The following FTO variants were observed in gnomAD, a reference collection of about 807,000 sequenced individuals.
FTO encodes FTO alpha-ketoglutarate dependent dioxygenase.
Under a neutral mutation model 63.9 loss-of-function variants are expected in FTO, and 47 were observed. That is an observed-to-expected ratio of 0.74 (90% CI 0.58 to 0.94). FTO has a LOEUF of 0.94. Ranked by LOEUF, FTO falls within the 40% of genes least tolerant of loss-of-function variation. The pLI is 0.00. For synonymous variants in FTO, 207 were observed against 224.4 expected (o/e 0.92, Z 0.69); for missense variants, 562 against 618.1 (o/e 0.91, Z 0.96).
rs74656866 is a variant in FTO, at chr16:53,989,639, G to A, written c.1364+55530G>A. Among the ~76,000 whole-genome samples the A allele has an allele frequency of 4.1e-3, 631 of 152,224 alleles. 10 individuals carry two copies. The highest frequency in any genetic ancestry group is 0.015 in the African/African-American group (614 of 41,526). Reference sequence around the variant, plus strand: ...CAGCAAGTCACTTGTTTAGACTCTAGTCTCCTCATCTATAAGGCGGGAATA... The same window carrying A: ...CAGCAAGTCACTTGTTTAGACTCTAATCTCCTCATCTATAAGGCGGGAATA... On this transcript the variant is annotated intron_variant, in intron 8 of 8. Coordinates refer to ENST00000471389, the MANE Select transcript of FTO (RefSeq NM_001080432.3).
rs868093300 is a variant in FTO at position 53,790,010 on chromosome 16, T to A, written c.46-20130T>A. Among the ~76,000 whole-genome samples, 8 of 149,634 alleles carry A rather than the reference T, an allele frequency of 5.3e-5. No individual in the cohort carries two copies. The South Asian group carries it at 1.7e-3, about 31-fold the overall frequency. ...AATATATAATATGTTTGTGTATGTA[T>A]AGTTATATATACACATAAATATTTT... is the stretch of plus-strand genomic sequence containing the variant. On this transcript the variant is annotated intron_variant, in intron 1 of 8. Coordinates refer to ENST00000471389, the MANE Select transcript of FTO (RefSeq NM_001080432.3).
intron 8 of FTO, among the ~76,000 whole-genome samples, chr16:54,090,602 A>T (rs900702643): frequency 2.6e-5 from 4 of 152,248 alleles, no homozygotes; most frequent in Admixed American, 1.3e-4. Flanking sequence ...AAAGCATGTC[A>T]TCGACAGTTA....
chr16:53,852,101 C>CA lies in FTO; in HGVS notation c.895+7822dup, dbSNP rs57004473. Among the ~76,000 whole-genome samples, 368 of 54,430 alleles carry CA rather than the reference C, an allele frequency of 6.8e-3. 8 individuals are homozygous for CA. The highest frequency in any genetic ancestry group is 8.0e-3 in the Non-Finnish European group (210 of 26,250). 35.7% of individuals were successfully genotyped at this position (54,430 alleles called of 152,430 possible). A position where few individuals can be genotyped will look rare whatever the true frequency, so the allele number is the denominator to read the frequency against. On this transcript the variant is annotated intron_variant, in intron 4 of 8. Coordinates refer to ENST00000471389, the MANE Select transcript of FTO (RefSeq NM_001080432.3). ...CAAAACTCTGTCTCTACAAAAAATACAAAAAAAAAAAAAAAAAAAGCCAGG... is the reference window on the plus strand; with the variant it reads ...CAAAACTCTGTCTCTACAAAAAATACAAAAAAAAAAAAAAAAAAAAGCCAGG...
At chr16:53,757,920 A>C (rs527929671) in intron 1 of FTO, among the ~76,000 whole-genome samples, 206 of 152,344 alleles carry the variant, frequency 1.4e-3, no homozygotes, top group African/African-American at 4.5e-3. Flanking sequence ...GGGTTTTACC[A>C]GTCTGTTGTT....
intron 4 of FTO, among the ~76,000 whole-genome samples, chr16:53,868,785 C>G (rs1029658559): frequency 5.3e-5 from 8 of 151,992 alleles, no homozygotes; most frequent in Non-Finnish European, 1.2e-4. Flanking sequence ...AACAAATTCC[C>G]TGAATTTTTA....
intron 6 of FTO, among the ~76,000 whole-genome samples, chr16:53,882,386 A>AC (rs2080862717): frequency 6.6e-6 from 1 of 151,634 alleles, no homozygotes; most frequent in African/African-American, 2.4e-5. Flanking sequence ...AAAAAAAAAA[A>AC]AACAGAGCAA....
chr16:54,111,928 T>C lies in FTO; in HGVS notation c.*13T>C, dbSNP rs2086899483. ...AGCAAAACCCTAGAAGGAGCACAAG[T>C]CTCAGGCGGAGGAGAAAAAGAGATC... On this transcript the variant is annotated 3_prime_UTR_variant, in exon 9 of 9. Transcript: ENST00000471389. 3.1e-6 allele frequency: 5 copies of C among 1,613,878 alleles called. No individual in the cohort carries two copies. Among genetic ancestry groups the C allele is most frequent in the Non-Finnish European group, 4.2e-6 (5 of 1,179,944 alleles).
chr16:53,865,651 C>T (rs9936768), intron 4 of FTO, among the ~76,000 whole-genome samples: 17,000 of 152,070 alleles, frequency 0.11, 2,001 homozygotes, highest in African/African-American at 0.29. Flanking sequence ...GTCTGCTTAT[C>T]GTCTCCTCCC....
At chr16:54,107,050 C>T (rs951031609) in intron 8 of FTO, among the ~76,000 whole-genome samples, 98 of 144,370 alleles carry the variant, frequency 6.8e-4, no homozygotes, top group Non-Finnish European at 1.1e-3. Flanking sequence ...GTATAAAATA[C>T]GTATATATAA....
intron 1 of FTO, among the ~76,000 whole-genome samples, chr16:53,789,815 T>C (rs79994966): frequency 0.3 from 44,078 of 149,132 alleles, 8,019 homozygotes; most frequent in Non-Finnish European, 0.41. Flanking sequence ...TGTACATGTA[T>C]ATAAACATGT....
chr16:53,743,099 A>C (rs2076565596), intron 1 of FTO, among the ~76,000 whole-genome samples: 1 of 152,228 alleles, frequency 6.6e-6, no homozygotes, highest in Non-Finnish European at 1.5e-5. Flanking sequence ...TTCCACTGTC[A>C]GGCTCTCAAC....
chr16:54,021,402 C>T (rs1215964325), intron 8 of FTO, among the ~76,000 whole-genome samples: 2 of 142,794 alleles, frequency 1.4e-5, no homozygotes, highest in African/African-American at 2.7e-5. Context: ...GTATAGCCTA[C>T]ATGGCTATAC....
At chr16:53,805,546 C>T (rs1325216295) in intron 1 of FTO, among the ~76,000 whole-genome samples, 1 of 149,756 alleles carries the variant, frequency 6.7e-6, no homozygotes. Context: ...CTCCCAGGCT[C>T]AAGTGGATCC....
intron 7 of FTO, among the ~76,000 whole-genome samples, chr16:53,932,916 C>T (rs1425573742): frequency 1.3e-5 from 2 of 152,180 alleles, no homozygotes; most frequent in African/African-American, 4.8e-5. Context: ...TCAATTTGGT[C>T]TGGCCCACAT....
At chr16:53,971,097 A>G (rs988818661) in intron 8 of FTO, among the ~76,000 whole-genome samples, 4 of 152,210 alleles carry the variant, frequency 2.6e-5, no homozygotes, top group Admixed American at 6.5e-5. Context: ...TACTGTTAGA[A>G]GCAGTTTCTT....
At chr16:54,100,071 A>C (rs1221455603) in intron 8 of FTO, among the ~76,000 whole-genome samples, 1 of 152,208 alleles carries the variant, frequency 6.6e-6, no homozygotes, top group Non-Finnish European at 1.5e-5. Context: ...GAAGATTCCC[A>C]GGACATTCAC....
At chr16:54,089,047 C>A (rs147482575) in intron 8 of FTO, among the ~76,000 whole-genome samples, 1 of 152,060 alleles carries the variant, frequency 6.6e-6, no homozygotes, top group Non-Finnish European at 1.5e-5. Context: ...GGTTTGAGGG[C>A]GAATTCCGTG....
intron 1 of FTO, among the ~76,000 whole-genome samples, chr16:53,789,784 A>ATATG (rs1411413209): frequency 6.6e-6 from 1 of 150,534 alleles, no homozygotes; most frequent in Admixed American, 6.6e-5. Context: ...ACACACACAT[A>ATATG]TATGTATGTA....
intron 8 of FTO, among the ~76,000 whole-genome samples, chr16:53,969,457 G>T (rs1241674915): frequency 6.6e-6 from 1 of 152,012 alleles, no homozygotes; most frequent in Non-Finnish European, 1.5e-5. Flanking sequence ...TTATTTTTTG[G>T]GGGGGGCTTG....
Sources: allele counts gnomAD v4.1 joint callset (sites outside exome capture counted in the v4.1 genomes callset), GRCh38; gene constraint gnomAD v4.1.1; transcripts MANE v1.5; gene names NCBI Gene and HGNC (gene_info 2026-07-23, HGNC 2026-07-21).